Variants in USP43 observed in about 807,000 individuals in gnomAD.
USP43 encodes the protein ubiquitin specific peptidase 43.
In USP43, 33 loss-of-function variants were observed where a neutral mutation model predicts 90.7. The observed-to-expected ratio is 0.36, with a 90% CI of 0.28 to 0.49. USP43 has a LOEUF of 0.49. Among genes scored for constraint, USP43 ranks in the 20% least tolerant of loss-of-function variants. USP43 has a pLI of 0.98. For missense variants in USP43, 1,274 were observed against 1,476.4 expected (o/e 0.86, Z 2.25); for synonymous variants, 598 against 615.8 (o/e 0.97, Z 0.43).
At chr17:9,714,102 C>A (rs1916354681) in intron 14 of USP43, among the ~76,000 whole-genome samples, 3 of 152,182 alleles carry the variant, frequency 2.0e-5, no homozygotes, top group African/African-American at 7.2e-5. Flanking sequence ...ATCTAATACG[C>A]CTGCTGATCT....
chr17:9,681,240 A>AT (rs1914204215), intron 6 of USP43, among the ~76,000 whole-genome samples: 1 of 113,328 alleles, frequency 8.8e-6, no homozygotes, highest in Non-Finnish European at 1.6e-5. Flanking sequence ...TATATAATAT[A>AT]TATTTAATAT....
At chr17:9,676,906 T>C in intron 5 of USP43, 25 bp downstream of exon 5, 1 of 1,608,718 alleles carries the variant, frequency 6.2e-7, no homozygotes, top group Non-Finnish European at 8.5e-7. Flanking sequence ...CACTGGGGCC[T>C]GGTCATTGGA....
At chr17:9,683,013 C>T (rs1914395250) in intron 7 of USP43, 55 bp downstream of exon 7, 14 of 1,584,928 alleles carry the variant, frequency 8.8e-6, no homozygotes, top group Non-Finnish European at 1.1e-5. Context: ...TAGACCTGTA[C>T]TTGGGAGCCT....
intron 2 of USP43, among the ~76,000 whole-genome samples, chr17:9,665,749 C>G (rs112331166): frequency 2.4e-3 from 363 of 152,232 alleles, no homozygotes; most frequent in African/African-American, 8.2e-3. Flanking sequence ...TACCAGTGTT[C>G]TTGTGAAAGA....
intron 1 of USP43, among the ~76,000 whole-genome samples, chr17:9,655,742 G>A (rs1912196767): frequency 6.6e-6 from 1 of 152,152 alleles, no homozygotes; most frequent in East Asian, 1.9e-4. Flanking sequence ...CGTGTGGTTG[G>A]CACTCAATGC....
chr17:9,653,608 A>G (rs1378787580), intron 1 of USP43, among the ~76,000 whole-genome samples: 3 of 151,454 alleles, frequency 2.0e-5, no homozygotes, highest in Non-Finnish European at 4.4e-5. Context: ...AAAAAAAAAA[A>G]GTAAAGGTCT....
chr17:9,715,034 C>T lies in USP43; in HGVS notation c.2335+2902C>T, dbSNP rs566905814. Among the ~76,000 whole-genome samples the T allele has an allele frequency of 5.3e-5, 8 of 152,238 alleles. No individual in the cohort carries two copies. In the East Asian group the frequency reaches 1.4e-3, roughly 26 times the overall value. On this transcript the variant is annotated intron_variant, in intron 14 of 14. Coordinates refer to ENST00000285199, the MANE Select transcript of USP43 (RefSeq NM_153210.5). ...TGGAGGAAGTGGCAGTGTGTACACA[C>T]TCCAGCAGGCGAGGTGACTGAAGGA...
chr17:9,726,484 G>A (rs972345669), intron 14 of USP43, among the ~76,000 whole-genome samples: 1 of 152,188 alleles, frequency 6.6e-6, no homozygotes, highest in Non-Finnish European at 1.5e-5. Context: ...TGAGATCAGG[G>A]TGCCAGCATG....
Position 9,729,101 on chromosome 17 carries a change from T to A in USP43, c.*111T>A. On this transcript the variant is annotated 3_prime_UTR_variant, in exon 15 of 15. Coordinates refer to ENST00000285199, the MANE Select transcript of USP43 (RefSeq NM_153210.5). Reference sequence around the variant, plus strand: ...AGGAAACCCGTTGTCTTGTAATCTCTAAAAAAAAATTTTTTTTTTTTTGTG... The same window carrying A: ...AGGAAACCCGTTGTCTTGTAATCTCAAAAAAAAAATTTTTTTTTTTTTGTG... 5.3e-6 allele frequency: 6 copies of A among 1,135,722 alleles called. No individual in the cohort carries two copies. Among genetic ancestry groups the A allele is most frequent in the Non-Finnish European group, 5.8e-6 (5 of 858,798 alleles). 70.4% of individuals were successfully genotyped at this position (1,135,722 alleles called of 1,614,324 possible).
At chr17:9,705,966 G>A (rs893118592) in intron 12 of USP43, among the ~76,000 whole-genome samples, 2 of 152,172 alleles carry the variant, frequency 1.3e-5, no homozygotes, top group Non-Finnish European at 2.9e-5. Flanking sequence ...ACTCTGTTAA[G>A]AGCAAGAGAA....
chr17:9,724,534 G>A (rs1917152808), intron 14 of USP43, among the ~76,000 whole-genome samples: 1 of 152,138 alleles, frequency 6.6e-6, no homozygotes, highest in Non-Finnish European at 1.5e-5. Flanking sequence ...ACAAAAATTA[G>A]CCGGGCGTGG....
Position 9,664,628 on chromosome 17 carries a change from T to C in USP43, c.637-2020T>C, listed in dbSNP as rs1412714039. ...TCTAGGGCATATTTTATGTGGGGCCTTGCATAGATTTTTTTTTTTTTTTTT... is the reference window on the plus strand; with the variant it reads ...TCTAGGGCATATTTTATGTGGGGCCCTGCATAGATTTTTTTTTTTTTTTTT... On this transcript the variant is annotated intron_variant, in intron 2 of 14. Coordinates refer to ENST00000285199, the MANE Select transcript of USP43 (RefSeq NM_153210.5). 2.0e-5 allele frequency among the ~76,000 whole-genome samples: 3 copies of C among 151,452 alleles called. No individual in the cohort carries two copies. In the East Asian group the frequency reaches 5.9e-4, roughly 30 times the overall value.
chr17:9,706,911 G>A (rs1326589851), intron 12 of USP43, among the ~76,000 whole-genome samples: 1 of 151,990 alleles, frequency 6.6e-6, no homozygotes, highest in Non-Finnish European at 1.5e-5. Context: ...CCAAAGTGCT[G>A]GGATTACAGG....
intron 12 of USP43, among the ~76,000 whole-genome samples, chr17:9,708,596 C>A (rs532301444): frequency 6.6e-6 from 1 of 152,104 alleles, no homozygotes; most frequent in Non-Finnish European, 1.5e-5. Context: ...CTGTGGCCCA[C>A]GGGCCGGATC....
chr17:9,716,787 G>A (rs1209785085), intron 14 of USP43, among the ~76,000 whole-genome samples: 1 of 152,148 alleles, frequency 6.6e-6, no homozygotes, highest in East Asian at 1.9e-4. Flanking sequence ...GTTTTGTCAT[G>A]AAGCTATCTG....
chr17:9,718,085 C>T (rs537127091), intron 14 of USP43, among the ~76,000 whole-genome samples: 5 of 152,000 alleles, frequency 3.3e-5, no homozygotes, highest in South Asian at 4.2e-4. Context: ...TGTGAGCCAC[C>T]GCGCCCAGCC....
At chr17:9,647,893 C>T (rs573554495) in intron 1 of USP43, among the ~76,000 whole-genome samples, 2 of 149,210 alleles carry the variant, frequency 1.3e-5, no homozygotes, top group African/African-American at 5.0e-5. Context: ...TGGTGGCGGG[C>T]GCCTGTAGTC....
At position 9,666,643 on chromosome 17, in the gene USP43, T is replaced by A; in HGVS notation, c.637-5T>A. 1 of 1,610,402 alleles carries A rather than the reference T, an allele frequency of 6.2e-7. No homozygotes were observed. Among genetic ancestry groups the A allele is most frequent in the Non-Finnish European group, 8.5e-7 (1 of 1,178,316 alleles). On this transcript the variant is annotated splice_polypyrimidine_tract_variant and splice_region_variant and intron_variant, in intron 2 of 14. Coordinates refer to ENST00000285199, the MANE Select transcript of USP43 (RefSeq NM_153210.5). ...ATCTGGCTTCCTTTCCTCATTTCTTTGCAGCTTCCGCCTGAAGCCACTAAA... is the reference window on the plus strand; with the variant it reads ...ATCTGGCTTCCTTTCCTCATTTCTTAGCAGCTTCCGCCTGAAGCCACTAAA...
chr17:9,713,767 T>G (rs1343488287), intron 14 of USP43, among the ~76,000 whole-genome samples: 1 of 152,202 alleles, frequency 6.6e-6, no homozygotes, highest in Non-Finnish European at 1.5e-5. Context: ...CAAGGATGAC[T>G]CCTTGCTTAA....
Sources: allele counts gnomAD v4.1 joint callset (sites outside exome capture counted in the v4.1 genomes callset), GRCh38; gene constraint gnomAD v4.1.1; transcripts MANE v1.5; gene names NCBI Gene and HGNC (gene_info 2026-07-23, HGNC 2026-07-21).